Variants in CPPED1 observed in about 807,000 individuals in gnomAD.
CPPED1 encodes serine/threonine-protein phosphatase CPPED1.
In CPPED1, 28 loss-of-function variants were observed where a neutral mutation model predicts 28.0. The ratio of observed to expected loss-of-function variants is 1.00; its 90% confidence interval spans 0.74 to 1.37. The LOEUF (loss-of-function observed/expected upper bound fraction) is 1.37, where lower values mean the gene tolerates loss of function less well. CPPED1 is among the 40% of genes most tolerant of loss of function. The pLI is 0.00. For synonymous variants in CPPED1, 198 were observed against 180.2 expected (o/e 1.10, Z -0.79); for missense variants, 504 against 416.5 (o/e 1.21, Z -1.83).
intron 3 of CPPED1, among the ~76,000 whole-genome samples, chr16:12,699,316 A>G (rs1318094783): frequency 6.6e-6 from 1 of 152,170 alleles, no homozygotes; most frequent in Non-Finnish European, 1.5e-5. Context: ...GGCTATTGAC[A>G]ATGTTTTTGT....
At chr16:12,747,712 C>A (rs2080299596) in intron 2 of CPPED1, among the ~76,000 whole-genome samples, 1 of 152,154 alleles carries the variant, frequency 6.6e-6, no homozygotes, top group Admixed American at 6.5e-5. Flanking sequence ...GCCACCGCGC[C>A]CGGCCTTAAC....
intron 2 of CPPED1, among the ~76,000 whole-genome samples, chr16:12,717,702 A>C (rs956861405): frequency 6.6e-6 from 1 of 152,140 alleles, no homozygotes. Flanking sequence ...GTACAGAGGC[A>C]CAAATCTTGG....
intron 2 of CPPED1, among the ~76,000 whole-genome samples, chr16:12,763,619 G>A (rs904439106): frequency 1.3e-5 from 2 of 152,122 alleles, no homozygotes; most frequent in African/African-American, 4.8e-5. Flanking sequence ...ATTATTATCT[G>A]CATTTTACAG....
At chr16:12,739,177 G>C (rs546555957) in intron 2 of CPPED1, among the ~76,000 whole-genome samples, 1 of 152,192 alleles carries the variant, frequency 6.6e-6, no homozygotes, top group Admixed American at 6.5e-5. Flanking sequence ...AAGAAAGTGT[G>C]CATGTAGAAT....
intron 3 of CPPED1, among the ~76,000 whole-genome samples, chr16:12,677,204 C>G (rs975295642): frequency 6.6e-6 from 1 of 152,204 alleles, no homozygotes; most frequent in Non-Finnish European, 1.5e-5. Flanking sequence ...CCAGAGGACA[C>G]GACTGAAGGT....
intron 2 of CPPED1, among the ~76,000 whole-genome samples, chr16:12,717,237 T>C (rs1052006132): frequency 2.0e-5 from 3 of 152,190 alleles, no homozygotes; most frequent in African/African-American, 7.2e-5. Context: ...ACACAGATTA[T>C]CTCATCTGAA....
At chr16:12,784,381 A>G (rs1251660161) in intron 1 of CPPED1, among the ~76,000 whole-genome samples, 1 of 152,192 alleles carries the variant, frequency 6.6e-6, no homozygotes, top group Non-Finnish European at 1.5e-5. Flanking sequence ...AACTCAACTA[A>G]GCTGTACCCA....
At chr16:12,701,971 T>C (rs1278126660) in intron 3 of CPPED1, among the ~76,000 whole-genome samples, 2 of 152,156 alleles carry the variant, frequency 1.3e-5, no homozygotes, top group East Asian at 1.9e-4. Context: ...CTGATTATAA[T>C]TGGGCTTCCC....
chr16:12,730,814 A>G (rs1374602937), intron 2 of CPPED1, among the ~76,000 whole-genome samples: 1 of 152,210 alleles, frequency 6.6e-6, no homozygotes, highest in African/African-American at 2.4e-5. Context: ...GAGTCTGGCA[A>G]ATGTTCCACA....
intron 1 of CPPED1, among the ~76,000 whole-genome samples, chr16:12,797,036 T>C (rs184167977): frequency 6.6e-6 from 1 of 152,228 alleles, no homozygotes; most frequent in East Asian, 1.9e-4. Context: ...TAACATGAAA[T>C]GTCCGGAAAA....
chr16:12,702,642 G>C (rs1291119987), intron 3 of CPPED1, among the ~76,000 whole-genome samples: 4 of 152,096 alleles, frequency 2.6e-5, no homozygotes, highest in African/African-American at 4.8e-5. Flanking sequence ...ATACCACTCA[G>C]GAATGTGGTC....
chr16:12,746,259 C>T (rs536145420), intron 2 of CPPED1, among the ~76,000 whole-genome samples: 11 of 151,772 alleles, frequency 7.2e-5, no homozygotes, highest in African/African-American at 1.9e-4. Flanking sequence ...CCTGTAATCC[C>T]AGCTACTTGG....
At chr16:12,720,615 G>C (rs1290419970) in intron 2 of CPPED1, among the ~76,000 whole-genome samples, 1 of 152,162 alleles carries the variant, frequency 6.6e-6, no homozygotes, top group Non-Finnish European at 1.5e-5. Context: ...AGCCTCCTGA[G>C]TATCTGGTAC....
rs116575655 is a variant in CPPED1 at position 12,778,258 on chromosome 16, C to A, written c.289+2927G>T. On this transcript the variant is annotated intron_variant, in intron 2 of 3. Transcript: ENST00000381774. ...CACTTGGCCCAAGATATTTTCTTTTCTTTTTTCTTTCTTTCTTTCTTTTTT... is the reference window on the plus strand; with the variant it reads ...CACTTGGCCCAAGATATTTTCTTTTATTTTTTCTTTCTTTCTTTCTTTTTT... 3.5e-3 allele frequency among the ~76,000 whole-genome samples: 511 copies of A among 145,552 alleles called. 3 individuals carry two copies. Among genetic ancestry groups the A allele is most frequent in the African/African-American group, 0.012 (485 of 39,600 alleles).
chr16:12,722,820 C>T (rs981308978), intron 2 of CPPED1, among the ~76,000 whole-genome samples: 3 of 152,174 alleles, frequency 2.0e-5, no homozygotes, highest in Non-Finnish European at 4.4e-5. Context: ...CACTGGCTTT[C>T]CCACGGACCC....
At chr16:12,684,123 T>G (rs887941688) in intron 3 of CPPED1, among the ~76,000 whole-genome samples, 4 of 152,170 alleles carry the variant, frequency 2.6e-5, no homozygotes, top group African/African-American at 7.2e-5. Flanking sequence ...ACGGAGTGTT[T>G]CAGCCTGCCA....
intron 2 of CPPED1, 56 bp from the exon 3 acceptor site, chr16:12,705,105 A>G: frequency 6.7e-7 from 1 of 1,498,944 alleles, no homozygotes. Context: ...ACTTGAAATA[A>G]CTAACTTAAG....
intron 2 of CPPED1, among the ~76,000 whole-genome samples, chr16:12,727,229 G>A (rs777504601): frequency 1.3e-5 from 2 of 152,118 alleles, no homozygotes; most frequent in Non-Finnish European, 2.9e-5. Flanking sequence ...TAGGCATTCT[G>A]GCTGGTGGCA....
At chr16:12,734,163 G>A (rs188905863) in intron 2 of CPPED1, among the ~76,000 whole-genome samples, 37 of 137,334 alleles carry the variant, frequency 2.7e-4, no homozygotes, top group Admixed American at 6.8e-4. Flanking sequence ...TCTGCTTCCC[G>A]GGTTCAAGCG....
Sources: gnomAD v4.1 joint callset for allele counts (sites outside exome capture counted in the v4.1 genomes callset) on GRCh38, gnomAD v4.1.1 for gene constraint, MANE v1.5 for transcripts, NCBI Gene and HGNC (gene_info 2026-07-23, HGNC 2026-07-21) for gene names.